STARD13: variants seen among roughly 807,000 people sequenced by gnomAD.
STARD13 encodes stAR-related lipid transfer protein 13.
A neutral mutation model predicts 106.4 loss-of-function variants in STARD13; 62 were observed. The observed-to-expected ratio is 0.58, with a 90% CI of 0.48 to 0.72. STARD13 has a LOEUF of 0.72. Among genes scored for constraint, STARD13 ranks in the 30% least tolerant of loss-of-function variants. The pLI is 0.00. For synonymous variants in STARD13, 565 were observed against 553.0 expected (o/e 1.02, Z -0.31); for missense variants, 1,387 against 1,424.0 (o/e 0.97, Z 0.42).
intron 1 of STARD13, among the ~76,000 whole-genome samples, chr13:33,254,820 A>G (rs768496416): frequency 6.6e-6 from 1 of 151,742 alleles, no homozygotes. Flanking sequence ...TCCCACTCCA[A>G]CCCCTCTTTG....
At chr13:33,463,152 G>T in the STARD13 span, among the ~76,000 whole-genome samples, 2 of 152,140 alleles carry the variant, frequency 1.3e-5, no homozygotes, top group Admixed American at 1.3e-4. Flanking sequence ...TCTTGATTTT[G>T]CCCAGGAAAG....
chr13:33,204,465 A>G (rs1404767730), intron 1 of STARD13, among the ~76,000 whole-genome samples: 1 of 152,168 alleles, frequency 6.6e-6, no homozygotes, highest in African/African-American at 2.4e-5. Context: ...AAAATCTTCA[A>G]CTTTCAGTTT....
chr13:33,565,900 C>T, the STARD13 span, among the ~76,000 whole-genome samples: 1 of 148,590 alleles, frequency 6.7e-6, no homozygotes, highest in Admixed American at 6.9e-5. Context: ...TAATTACTTT[C>T]TCCTTTATGC....
the STARD13 span, among the ~76,000 whole-genome samples, chr13:33,378,014 C>A: frequency 6.6e-6 from 1 of 152,152 alleles, no homozygotes; most frequent in African/African-American, 2.4e-5. Flanking sequence ...ACTTTTACAG[C>A]CCTGGGACAA....
the STARD13 span, among the ~76,000 whole-genome samples, chr13:33,582,261 T>G: frequency 6.6e-6 from 1 of 151,948 alleles, no homozygotes; most frequent in Non-Finnish European, 1.5e-5. Flanking sequence ...GCTAAGTAAC[T>G]TGCCCAAGTT....
chr13:33,546,139 AATTAG>A, the STARD13 span, among the ~76,000 whole-genome samples: 5 of 152,196 alleles, frequency 3.3e-5, no homozygotes, highest in South Asian at 2.1e-4. Context: ...TTGATACAGT[AATTAG>A]ATTAGGATTC....
intron 1 of STARD13, among the ~76,000 whole-genome samples, chr13:33,304,947 A>G (rs527410258): frequency 1.3e-5 from 2 of 152,222 alleles, no homozygotes; most frequent in Non-Finnish European, 2.9e-5. Flanking sequence ...TACCTGCTTC[A>G]GGGATCTATG....
the STARD13 span, among the ~76,000 whole-genome samples, chr13:33,643,605 T>C: frequency 6.6e-6 from 1 of 152,270 alleles, no homozygotes; most frequent in Non-Finnish European, 1.5e-5. Context: ...AAGTTCTTTG[T>C]CAGGAACTCT....
intron 7 of STARD13, among the ~76,000 whole-genome samples, chr13:33,123,935 C>A (rs749985338): frequency 2.6e-5 from 4 of 152,166 alleles, no homozygotes; most frequent in Non-Finnish European, 4.4e-5. Context: ...GGGTTATTTG[C>A]GGATGTTCTC....
At chr13:33,528,243 C>CATATATATATATATATATATATAT in the STARD13 span, among the ~76,000 whole-genome samples, 1 of 93,482 alleles carries the variant, frequency 1.1e-5, no homozygotes, top group African/African-American at 6.2e-5. Flanking sequence ...TATATATATA[C>CATATATATATATATATATATATAT]ATATATATAT....
the STARD13 span, among the ~76,000 whole-genome samples, chr13:33,460,787 T>C: frequency 4.5e-4 from 69 of 152,292 alleles, no homozygotes; most frequent in African/African-American, 1.3e-3. Flanking sequence ...TGCACTCAAC[T>C]AAAATTGCCA....
At chr13:33,248,929 A>G (rs570616561) in intron 1 of STARD13, among the ~76,000 whole-genome samples, 1 of 152,340 alleles carries the variant, frequency 6.6e-6, no homozygotes, top group Admixed American at 6.5e-5. Flanking sequence ...TAAATAAGCT[A>G]CTTTTCACTA....
At chr13:33,240,850 A>C (rs1889449066) in intron 1 of STARD13, among the ~76,000 whole-genome samples, 1 of 152,010 alleles carries the variant, frequency 6.6e-6, no homozygotes, top group Non-Finnish European at 1.5e-5. Context: ...TTGTTTTCTT[A>C]ATTTCATTTT....
the STARD13 span, among the ~76,000 whole-genome samples, chr13:33,552,633 G>C: frequency 6.6e-6 from 1 of 152,040 alleles, no homozygotes; most frequent in Non-Finnish European, 1.5e-5. Context: ...TGAATGAAAG[G>C]AGAAGCACAT....
At chr13:33,285,947 G>C (rs976337018), upstream of STARD13, among the ~76,000 whole-genome samples, 2 of 151,910 alleles carry the variant, frequency 1.3e-5, no homozygotes, top group Non-Finnish European at 1.5e-5. Context: ...CGTATTTGAC[G>C]TGCCTCAGAG....
At chr13:33,269,660 C>T (rs756275259) in intron 1 of STARD13, among the ~76,000 whole-genome samples, 2 of 152,164 alleles carry the variant, frequency 1.3e-5, no homozygotes, top group Non-Finnish European at 2.9e-5. Context: ...GTCTATGGCA[C>T]AGTACCTTTC....
At chr13:33,160,893 G>C (rs1207424654) in intron 3 of STARD13, among the ~76,000 whole-genome samples, 1 of 152,098 alleles carries the variant, frequency 6.6e-6, no homozygotes. Context: ...TTATCATATA[G>C]AGCCCACGAT....
chr13:33,125,363 T>A (rs150457772), intron 7 of STARD13, among the ~76,000 whole-genome samples: 2 of 152,312 alleles, frequency 1.3e-5, no homozygotes, highest in East Asian at 3.9e-4. Flanking sequence ...ACAGAATGTC[T>A]AAGAAGCTAA....
intron 1 of STARD13, among the ~76,000 whole-genome samples, chr13:33,283,057 G>A (rs1891878685): frequency 6.6e-6 from 1 of 152,068 alleles, no homozygotes; most frequent in African/African-American, 2.4e-5. Context: ...AAAGCTTTTA[G>A]TAAAATAACT....
Sources: gnomAD v4.1 joint callset for allele counts (sites outside exome capture counted in the v4.1 genomes callset) on GRCh38, gnomAD v4.1.1 for gene constraint, MANE v1.5 for transcripts, NCBI Gene and HGNC (gene_info 2026-07-23, HGNC 2026-07-21) for gene names.